Variants in TMEM181 observed in about 807,000 individuals in gnomAD.
TMEM181 encodes the protein G protein-coupled receptor 178.
A neutral mutation model predicts 71.9 loss-of-function variants in TMEM181; 39 were observed. The observed-to-expected ratio is 0.54, with a 90% CI of 0.42 to 0.71. The LOEUF (loss-of-function observed/expected upper bound fraction) is 0.71. Ranked by LOEUF, TMEM181 falls within the 30% of genes least tolerant of loss-of-function variation. The pLI, the probability that TMEM181 is intolerant of heterozygous loss-of-function variation, is 0.00. For missense variants in TMEM181, 595 were observed against 583.0 expected (o/e 1.02, Z -0.21); for synonymous variants, 245 against 228.8 (o/e 1.07, Z -0.64).
intron 10 of TMEM181, among the ~76,000 whole-genome samples, chr6:158,617,761 G>A (rs1299605208): frequency 6.6e-6 from 1 of 152,226 alleles, no homozygotes; most frequent in Non-Finnish European, 1.5e-5. Context: ...GGAGCAGGTT[G>A]TTCAGTTCCC....
intron 1 of TMEM181, among the ~76,000 whole-genome samples, chr6:158,548,884 C>T (rs1407238906): frequency 6.6e-6 from 1 of 152,174 alleles, no homozygotes; most frequent in East Asian, 1.9e-4. Flanking sequence ...TAAAAACCAC[C>T]CAAGGCAGAG....
chr6:158,611,984 C>CA lies in TMEM181; in HGVS notation c.896+3235dup, dbSNP rs1554228496. On this transcript the variant is annotated intron_variant, in intron 10 of 16. Coordinates refer to ENST00000684151, the MANE Select transcript of TMEM181 (RefSeq NM_001376852.1). ...CCTGCAGCTGCAGGGATACCCCCCCCACCTCCTAGTCTGCTTTTAGCTTGT... is the reference window on the plus strand; with the variant it reads ...CCTGCAGCTGCAGGGATACCCCCCCCAACCTCCTAGTCTGCTTTTAGCTTGT... Among the ~76,000 whole-genome samples the CA allele has an allele frequency of 6.6e-5, 10 of 151,666 alleles. No homozygotes were observed. In the South Asian group the frequency reaches 8.4e-4, roughly 13 times the overall value.
rs1172755809 is a variant in TMEM181 at position 158,633,654 on chromosome 6, C to A, written c.*1766C>A. ...TATTTGTTATGACTTTCCTTTGTAT[C>A]TTTCCTTTTAATTTAAACTTTAATG... On this transcript the variant is annotated 3_prime_UTR_variant, in exon 17 of 17. Transcript: ENST00000684151. 1.3e-5 allele frequency: 2 copies of A among 152,150 alleles called. No homozygotes were observed. Among genetic ancestry groups the A allele is most frequent in the African/African-American group, 4.8e-5 (2 of 41,440 alleles). 9.4% of individuals were successfully genotyped at this position (152,150 alleles called of 1,614,324 possible). A position where few individuals can be genotyped will look rare whatever the true frequency, so the allele number is the denominator to read the frequency against.
intron 1 of TMEM181, among the ~76,000 whole-genome samples, chr6:158,564,585 G>A (rs553580108): frequency 2.2e-4 from 34 of 152,340 alleles, no homozygotes; most frequent in Admixed American, 2.0e-3. Flanking sequence ...CACAGCCATC[G>A]TTTCTAATAG....
chr6:158,564,754 T>C (rs985693900), intron 1 of TMEM181, among the ~76,000 whole-genome samples: 1 of 152,174 alleles, frequency 6.6e-6, no homozygotes, highest in Non-Finnish European at 1.5e-5. Context: ...TGCTGTCATG[T>C]GGTCAGGAAG....
chr6:158,616,735 G>T (rs1785638738), intron 10 of TMEM181, among the ~76,000 whole-genome samples: 1 of 152,174 alleles, frequency 6.6e-6, no homozygotes, highest in Non-Finnish European at 1.5e-5. Flanking sequence ...TGCATCTATT[G>T]AGATAATCAC....
chr6:158,568,918 C>G (rs1051731518), intron 1 of TMEM181, among the ~76,000 whole-genome samples: 1 of 152,222 alleles, frequency 6.6e-6, no homozygotes, highest in Non-Finnish European at 1.5e-5. Flanking sequence ...TATGATTGAT[C>G]TGAAACGGGG....
intron 3 of TMEM181, among the ~76,000 whole-genome samples, chr6:158,581,422 G>T (rs905468397): frequency 6.6e-6 from 1 of 152,068 alleles, no homozygotes. Context: ...TGTATTCCTT[G>T]TGTGAACTCA....
Position 158,566,790 on chromosome 6 carries a change from G to A in TMEM181, c.8+6558G>A, listed in dbSNP as rs148443652. On this transcript the variant is annotated intron_variant, in intron 1 of 16. Transcript: ENST00000684151. Reference sequence around the variant, plus strand: ...GTGATGATGAGGCTGTGGAGAGACCGACGGAAGTTTTCCAGCTCCTGTCTC... The same window carrying A: ...GTGATGATGAGGCTGTGGAGAGACCAACGGAAGTTTTCCAGCTCCTGTCTC... Among the ~76,000 whole-genome samples the A allele has an allele frequency of 2.1e-3, 314 of 152,194 alleles. 2 individuals carry two copies. The highest frequency in any genetic ancestry group is 7.2e-3 in the African/African-American group (299 of 41,518).
chr6:158,557,360 ACT>A (rs530790961), upstream of TMEM181, among the ~76,000 whole-genome samples: 53 of 152,022 alleles, frequency 3.5e-4, no homozygotes, highest in South Asian at 5.4e-3. Context: ...TGACAGGGAG[ACT>A]CTGTCTCAAA....
chr6:158,566,941 G>A (rs1782543310), intron 1 of TMEM181, among the ~76,000 whole-genome samples: 1 of 152,192 alleles, frequency 6.6e-6, no homozygotes, highest in Non-Finnish European at 1.5e-5. Flanking sequence ...TTGGGGATAG[G>A]CATTCCAGTA....
chr6:158,631,677 G>A, intron 16 of TMEM181, 133 bp from the exon 17 acceptor site: 3 of 1,028,670 alleles, frequency 2.9e-6, no homozygotes, highest in Non-Finnish European at 4.4e-6. Context: ...GGGGTGAGCA[G>A]TAGCAGTTGG....
At chr6:158,631,427 G>A in intron 16 of TMEM181, 38 bp downstream of exon 16, 1 of 1,602,926 alleles carries the variant, frequency 6.2e-7, no homozygotes. Flanking sequence ...CACACCTTGG[G>A]CATCCCGGCA....
At chr6:158,575,384 A>T (rs1280720946) in intron 2 of TMEM181, among the ~76,000 whole-genome samples, 1 of 151,736 alleles carries the variant, frequency 6.6e-6, no homozygotes, top group African/African-American at 2.4e-5. Flanking sequence ...GCTAGAGTGC[A>T]GTGGTGCAAT....
At chr6:158,536,701 A>G in exon 1 of TMEM181, 1 of 1,542,674 alleles carries the variant, frequency 6.5e-7, no homozygotes, top group African/African-American at 1.4e-5. Context: ...CAAAGGGTGG[A>G]GCGGCGGGAC....
intron 10 of TMEM181, among the ~76,000 whole-genome samples, chr6:158,614,153 T>C (rs1257972250): frequency 2.0e-5 from 3 of 152,234 alleles, no homozygotes; most frequent in Non-Finnish European, 4.4e-5. Context: ...CCTGTTTACC[T>C]CTTTTCTGGA....
At chr6:158,538,891 G>A (rs1781235860) in intron 1 of TMEM181, among the ~76,000 whole-genome samples, 1 of 152,212 alleles carries the variant, frequency 6.6e-6, no homozygotes, top group South Asian at 2.1e-4. Flanking sequence ...ATAAAAACAT[G>A]AAATGTTCAA....
chr6:158,600,835 A>G (rs1338772040), intron 6 of TMEM181, among the ~76,000 whole-genome samples: 1 of 152,184 alleles, frequency 6.6e-6, no homozygotes, highest in East Asian at 1.9e-4. Flanking sequence ...CTCTTAAGCT[A>G]GAATCCCCCT....
At chr6:158,604,381 T>C (rs1012558062) in intron 6 of TMEM181, among the ~76,000 whole-genome samples, 2 of 152,226 alleles carry the variant, frequency 1.3e-5, no homozygotes, top group African/African-American at 4.8e-5. Context: ...TCTGTAACTC[T>C]ATTTGTACTG....
Sources: allele counts gnomAD v4.1 joint callset (sites outside exome capture counted in the v4.1 genomes callset), GRCh38; gene constraint gnomAD v4.1.1; transcripts MANE v1.5; gene names NCBI Gene and HGNC (gene_info 2026-07-23, HGNC 2026-07-21).